PDE4B: variants seen among roughly 807,000 people sequenced by gnomAD.
The protein encoded by PDE4B is 3',5'-cyclic-AMP phosphodiesterase 4B.
A neutral mutation model predicts 82.2 loss-of-function variants in PDE4B; 20 were observed. The ratio of observed to expected loss-of-function variants is 0.24; its 90% confidence interval spans 0.17 to 0.35. The LOEUF (loss-of-function observed/expected upper bound fraction) is 0.35. Ranked by LOEUF, PDE4B falls within the 10% of genes least tolerant of loss-of-function variation. The pLI, the probability that PDE4B is intolerant of heterozygous loss-of-function variation, is 1.00. For synonymous variants in PDE4B, 320 were observed against 318.9 expected, an observed-to-expected ratio of 1.00 and a Z score of -0.04; for missense variants, 655 against 907.2, an observed-to-expected ratio of 0.72 and a Z score of 3.57.
intron 8 of PDE4B, among the ~76,000 whole-genome samples, chr1:66,352,643 A>G (rs1447382686): frequency 1.3e-5 from 2 of 152,240 alleles, no homozygotes; most frequent in East Asian, 3.8e-4. Context: ...GTTAAACAAC[A>G]TGCCCTAATA....
intron 7 of PDE4B, among the ~76,000 whole-genome samples, chr1:66,271,584 T>C (rs1192467676): frequency 6.6e-6 from 1 of 152,256 alleles, no homozygotes; most frequent in Non-Finnish European, 1.5e-5. Flanking sequence ...GAAAAGTTTA[T>C]ACTGTAGCAG....
chr1:66,037,529 G>T (rs1157480576), intron 3 of PDE4B, among the ~76,000 whole-genome samples: 1 of 152,062 alleles, frequency 6.6e-6, no homozygotes, highest in East Asian at 1.9e-4. Flanking sequence ...GAGTCATTAC[G>T]ATTTTCTTTA....
intron 3 of PDE4B, among the ~76,000 whole-genome samples, chr1:66,140,074 C>A (rs1213563046): frequency 1.3e-5 from 2 of 152,154 alleles, no homozygotes. Flanking sequence ...GGTACACAAA[C>A]ACAGGATGGA....
intron 3 of PDE4B, among the ~76,000 whole-genome samples, chr1:66,069,709 C>A (rs1656052704): frequency 6.6e-6 from 1 of 151,904 alleles, no homozygotes; most frequent in Non-Finnish European, 1.5e-5. Context: ...AATATTGGTA[C>A]CATTATAGAT....
chr1:65,925,745 T>G (rs1190722174), intron 3 of PDE4B, among the ~76,000 whole-genome samples: 1 of 152,248 alleles, frequency 6.6e-6, no homozygotes, highest in African/African-American at 2.4e-5. Flanking sequence ...AGGCACAGTT[T>G]AAGGTATCAG....
intron 1 of PDE4B, among the ~76,000 whole-genome samples, chr1:65,887,153 T>C (rs1646788113): frequency 7.0e-6 from 1 of 142,598 alleles, no homozygotes; most frequent in African/African-American, 2.8e-5. Context: ...TCCTTTCCTT[T>C]CCTTCCTTCC....
At chr1:66,223,073 T>G (rs781132762) in intron 3 of PDE4B, among the ~76,000 whole-genome samples, 32 of 152,204 alleles carry the variant, frequency 2.1e-4, no homozygotes, top group Non-Finnish European at 3.5e-4. Flanking sequence ...ACACAATGTG[T>G]GCCAGGTGTG....
chr1:66,348,969 G>C (rs986754172), intron 8 of PDE4B, among the ~76,000 whole-genome samples: 1 of 152,022 alleles, frequency 6.6e-6, no homozygotes, highest in Non-Finnish European at 1.5e-5. Flanking sequence ...TCTAGGAAAC[G>C]TCAATTTTTT....
chr1:66,184,817 CTT>C (rs1422753426), intron 3 of PDE4B, among the ~76,000 whole-genome samples: 1 of 147,928 alleles, frequency 6.8e-6, no homozygotes, highest in Non-Finnish European at 1.5e-5. Flanking sequence ...TTTTTTAACT[CTT>C]TAACTTTATT....
At chr1:66,333,513 A>G (rs1353387111) in intron 8 of PDE4B, among the ~76,000 whole-genome samples, 1 of 152,202 alleles carries the variant, frequency 6.6e-6, no homozygotes, top group African/African-American at 2.4e-5. Flanking sequence ...GCCTTACACC[A>G]TACCCTCATA....
intron 3 of PDE4B, among the ~76,000 whole-genome samples, chr1:65,963,114 G>C (rs748625018): frequency 6.6e-6 from 1 of 152,146 alleles, no homozygotes; most frequent in Non-Finnish European, 1.5e-5. Context: ...GATGCGACAA[G>C]TCAGCTCCCG....
chr1:66,144,158 C>A (rs931904059), intron 3 of PDE4B, among the ~76,000 whole-genome samples: 2 of 152,186 alleles, frequency 1.3e-5, no homozygotes, highest in South Asian at 2.1e-4. Flanking sequence ...GGAAAACTTT[C>A]CAGATTTTCC....
chr1:66,131,134 G>T (rs1348893926), intron 3 of PDE4B, among the ~76,000 whole-genome samples: 1 of 152,132 alleles, frequency 6.6e-6, no homozygotes, highest in East Asian at 1.9e-4. Flanking sequence ...CTCAAAATTA[G>T]TCAAAAGTGT....
rs574383414 is a variant in PDE4B, at chr1:65,877,879, A to G, written c.-70-35366A>G. Among the ~76,000 whole-genome samples the G allele has an allele frequency of 2.0e-5, 3 of 152,252 alleles. No individual in the cohort carries two copies. In the East Asian group the frequency reaches 5.8e-4, roughly 29 times the overall value. ...GCAATTGCGACAAAAGCCAAAATTG[A>G]CAAATGGCATCTAATTAAACTAAAG... On this transcript the variant is annotated intron_variant, in intron 1 of 16. Coordinates refer to ENST00000341517, the MANE Select transcript of PDE4B (RefSeq NM_002600.4).
chr1:65,824,672 T>A (rs528565309), intron 1 of PDE4B, among the ~76,000 whole-genome samples: 2 of 150,840 alleles, frequency 1.3e-5, no homozygotes, highest in South Asian at 2.1e-4. Context: ...TATATATATA[T>A]ACACACAATT....
At chr1:65,976,292 A>G (rs897452436) in intron 3 of PDE4B, among the ~76,000 whole-genome samples, 1 of 152,224 alleles carries the variant, frequency 6.6e-6, no homozygotes, top group East Asian at 1.9e-4. Flanking sequence ...CGGTGCCTGT[A>G]GCCCCTTTGG....
At chr1:65,818,223 A>G (rs1452314705) in intron 1 of PDE4B, among the ~76,000 whole-genome samples, 2 of 152,184 alleles carry the variant, frequency 1.3e-5, no homozygotes, top group African/African-American at 2.4e-5. Context: ...AAACCAAACT[A>G]TGGGCCTGGC....
chr1:65,844,860 A>G (rs1646251430), intron 1 of PDE4B, among the ~76,000 whole-genome samples: 2 of 152,180 alleles, frequency 1.3e-5, no homozygotes, highest in Admixed American at 6.6e-5. Context: ...TGTTTTTATT[A>G]CAGAATTATG....
rs555016898 is a variant in PDE4B at position 65,856,810 on chromosome 1, G to A, written c.-70-56435G>A. The stretch of plus-strand genomic sequence containing the variant: ...CATTCCAACCAACAGTCAATCAAAA[G>A]CATTGAGATAGAGATTCTTAAGCGT... On this transcript the variant is annotated intron_variant, in intron 1 of 16. Coordinates refer to ENST00000341517, the MANE Select transcript of PDE4B (RefSeq NM_002600.4). Among the ~76,000 whole-genome samples, 3 of 152,244 alleles carry A rather than the reference G, an allele frequency of 2.0e-5. No homozygotes were observed. The South Asian group carries it at 6.2e-4, about 32-fold the overall frequency.
Sources: gnomAD v4.1 joint callset for allele counts (sites outside exome capture counted in the v4.1 genomes callset) on GRCh38, gnomAD v4.1.1 for gene constraint, MANE v1.5 for transcripts, NCBI Gene and HGNC (gene_info 2026-07-23, HGNC 2026-07-21) for gene names.